LPP: variants seen among roughly 807,000 people sequenced by gnomAD.
LPP encodes the protein lipoma-preferred partner.
A neutral mutation model predicts 60.4 loss-of-function variants in LPP; 38 were observed. That is an observed-to-expected ratio of 0.63 (90% CI 0.49 to 0.83). The LOEUF (loss-of-function observed/expected upper bound fraction) is 0.83, where lower values mean the gene tolerates loss of function less well. Among genes scored for constraint, LPP ranks in the 40% least tolerant of loss-of-function variants. The probability of loss-of-function intolerance (pLI) is 0.00; values close to 1 mark genes in which losing one functional copy is unlikely to be tolerated. For synonymous variants in LPP, 328 were observed against 290.8 expected (o/e 1.13, Z -1.30); for missense variants, 902 against 783.6 (o/e 1.15, Z -1.80).
chr3:188,290,866 G>A (rs976452862), intron 2 of LPP, among the ~76,000 whole-genome samples: 2 of 152,094 alleles, frequency 1.3e-5, no homozygotes, highest in Non-Finnish European at 2.9e-5. Context: ...TGTGTCTTCC[G>A]GGCAAGTTCT....
chr3:188,604,427 A>T (rs920900671), intron 6 of LPP, among the ~76,000 whole-genome samples: 2 of 152,154 alleles, frequency 1.3e-5, no homozygotes, highest in East Asian at 3.8e-4. Context: ...GTCAGCATCA[A>T]GTAAAACTTA....
At chr3:188,743,118 G>A (rs978343344) in intron 8 of LPP, among the ~76,000 whole-genome samples, 8 of 152,120 alleles carry the variant, frequency 5.3e-5, no homozygotes, top group African/African-American at 1.9e-4. Flanking sequence ...ATACCTCATA[G>A]AACATTTACC....
intron 3 of LPP, among the ~76,000 whole-genome samples, chr3:188,380,150 C>T (rs1351173393): frequency 6.6e-6 from 1 of 152,214 alleles, no homozygotes; most frequent in East Asian, 1.9e-4. Context: ...ACTTTTCCCT[C>T]ATATTCCACT....
intron 9 of LPP, among the ~76,000 whole-genome samples, chr3:188,829,287 T>C (rs1756500351): frequency 1.3e-5 from 2 of 152,132 alleles, no homozygotes; most frequent in Admixed American, 1.3e-4. Context: ...GAACTAATGG[T>C]CCTTGTCTCA....
intron 2 of LPP, among the ~76,000 whole-genome samples, chr3:188,229,499 C>T (rs1177827974): frequency 6.6e-6 from 1 of 152,162 alleles, no homozygotes; most frequent in African/African-American, 2.4e-5. Flanking sequence ...GTCTATAATT[C>T]CTCAGTCAGG....
rs547575501 is a variant in LPP at position 188,843,523 on chromosome 3, C to T, written c.1411-22677C>T. On this transcript the variant is annotated intron_variant, in intron 9 of 11. Transcript: ENST00000617246. ...CTCCTCTGGGCTGGGCGCGGTGGCTCACGCCTGTAATCCCAGCACTTCGGG... is the reference window on the plus strand; with the variant it reads ...CTCCTCTGGGCTGGGCGCGGTGGCTTACGCCTGTAATCCCAGCACTTCGGG... Among the ~76,000 whole-genome samples, 31 of 152,186 alleles carry T rather than the reference C, an allele frequency of 2.0e-4. 1 individual carries two copies. In the South Asian group the frequency reaches 6.2e-3, roughly 31 times the overall value.
chr3:188,518,612 T>C (rs551946957), intron 5 of LPP, among the ~76,000 whole-genome samples: 6 of 152,330 alleles, frequency 3.9e-5, no homozygotes, highest in African/African-American at 9.6e-5. Flanking sequence ...AGGTCTGTAA[T>C]TGAGCAGTCA....
At chr3:188,318,421 A>C (rs13086632) in intron 2 of LPP, among the ~76,000 whole-genome samples, 31 of 140,804 alleles carry the variant, frequency 2.2e-4, no homozygotes, top group South Asian at 6.7e-4. Context: ...AAAAAAACAA[A>C]AAAAAAAAAG....
At chr3:188,644,138 TGGA>T (rs2148854734) in intron 7 of LPP, among the ~76,000 whole-genome samples, 1 of 152,328 alleles carries the variant, frequency 6.6e-6, no homozygotes, top group South Asian at 2.1e-4. Context: ...AAGAAATTCC[TGGA>T]GGAGAAGGGA....
At chr3:188,276,851 C>T (rs1054085242) in intron 2 of LPP, among the ~76,000 whole-genome samples, 1 of 143,322 alleles carries the variant, frequency 7.0e-6, no homozygotes, top group Non-Finnish European at 1.5e-5. Context: ...GCCTGTAGAA[C>T]TGTGAGCCAA....
At chr3:188,647,054 T>A (rs1293243126) in intron 7 of LPP, among the ~76,000 whole-genome samples, 1 of 152,248 alleles carries the variant, frequency 6.6e-6, no homozygotes, top group Non-Finnish European at 1.5e-5. Context: ...GGTATTCAAC[T>A]AATATTTACT....
At chr3:188,170,101 A>G (rs984181187) in intron 1 of LPP, among the ~76,000 whole-genome samples, 2 of 152,200 alleles carry the variant, frequency 1.3e-5, no homozygotes, top group Non-Finnish European at 2.9e-5. Context: ...TATAATGTAG[A>G]CCAATTTTTA....
intron 4 of LPP, among the ~76,000 whole-genome samples, chr3:188,448,140 G>C (rs955827222): frequency 1.3e-5 from 2 of 152,104 alleles, no homozygotes; most frequent in African/African-American, 2.4e-5. Flanking sequence ...TCAAAATTTG[G>C]GATGTTCATT....
At chr3:188,587,933 TATG>T (rs1837843538) in intron 6 of LPP, among the ~76,000 whole-genome samples, 1 of 152,246 alleles carries the variant, frequency 6.6e-6, no homozygotes, top group Non-Finnish European at 1.5e-5. Context: ...TACATTGGGC[TATG>T]ATATTTCTTA....
In LPP at chr3:188,785,537, TATATATATATAC is replaced by T. The variant is rs1403312988; in HGVS notation, c.1410+25257_1410+25268del. On this transcript the variant is annotated intron_variant, in intron 9 of 11. Transcript: ENST00000617246. ...ATATATATATATATATATTCCATCA[TATATATATATAC>T]ACACACACACACACACACACACACA... Among the ~76,000 whole-genome samples the T allele has an allele frequency of 4.7e-4, 51 of 108,874 alleles. 14 individuals are homozygous for T. The highest frequency in any genetic ancestry group is 1.8e-3 in the African/African-American group (46 of 24,924). The allele number at this position is 108,874 out of a possible 152,430, so 71.4% of individuals were successfully genotyped here.
chr3:188,790,816 G>A (rs1018123257), intron 9 of LPP, among the ~76,000 whole-genome samples: 2 of 82,776 alleles, frequency 2.4e-5, no homozygotes, highest in South Asian at 6.1e-4. Flanking sequence ...GTGAGACTCT[G>A]TCTCCAAAAA....
chr3:188,814,282 C>CA (rs1751886975), intron 9 of LPP, among the ~76,000 whole-genome samples: 1 of 152,090 alleles, frequency 6.6e-6, no homozygotes, highest in African/African-American at 2.4e-5. Flanking sequence ...GTATGCATTA[C>CA]AAAAAAGCCA....
chr3:188,327,049 A>T (rs563343449), intron 2 of LPP, among the ~76,000 whole-genome samples: 16 of 152,336 alleles, frequency 1.1e-4, no homozygotes, highest in Admixed American at 2.0e-4. Context: ...TCCTGTCAAC[A>T]TAGTGCTGAG....
At chr3:188,495,083 T>TATATATATATATATATATATATATA (rs57578460) in intron 5 of LPP, among the ~76,000 whole-genome samples, 26 of 77,744 alleles carry the variant, frequency 3.3e-4, no homozygotes, top group East Asian at 2.7e-3. Context: ...TATATATATA[T>TATATATATATATATATATATATATA]TTTATTTATA....
Sources: allele counts gnomAD v4.1 joint callset (sites outside exome capture counted in the v4.1 genomes callset), GRCh38; gene constraint gnomAD v4.1.1; transcripts MANE v1.5; gene names NCBI Gene and HGNC (gene_info 2026-07-23, HGNC 2026-07-21).